The following SLIT2 variants were observed in gnomAD, a reference collection of about 807,000 sequenced individuals.
SLIT2 encodes slit guidance ligand 2.
SLIT2 carries 41 observed loss-of-function variants against 185.7 expected under a neutral mutation model. The ratio of observed to expected loss-of-function variants is 0.22; its 90% confidence interval spans 0.17 to 0.29. The LOEUF is 0.29. Among genes scored for constraint, SLIT2 ranks in the 10% least tolerant of loss-of-function variants. The pLI is 1.00. For missense variants in SLIT2, 1,571 were observed against 1,909.0 expected, an observed-to-expected ratio of 0.82 and a Z score of 3.30; for synonymous variants, 693 against 680.2, an observed-to-expected ratio of 1.02 and a Z score of -0.29.
chr4:20,601,703 G>A (rs539799617), intron 33 of SLIT2, among the ~76,000 whole-genome samples: 2 of 152,248 alleles, frequency 1.3e-5, no homozygotes, highest in East Asian at 3.9e-4. Flanking sequence ...TTTGATGAAA[G>A]ATAGTACTTC....
chr4:20,419,741 G>A (rs28437738), intron 4 of SLIT2, among the ~76,000 whole-genome samples: 32,111 of 150,612 alleles, frequency 0.21, 3,717 homozygotes, highest in Non-Finnish European at 0.27. Context: ...CTGTTATAGA[G>A]TAGAAGTTCA....
chr4:20,473,008 A>G (rs1021126792), intron 5 of SLIT2, among the ~76,000 whole-genome samples: 1 of 151,792 alleles, frequency 6.6e-6, no homozygotes, highest in African/African-American at 2.4e-5. Flanking sequence ...ACAAAATCTA[A>G]TTTACTTTAC....
chr4:20,443,857 G>A (rs1383378801), intron 4 of SLIT2, among the ~76,000 whole-genome samples: 1 of 152,140 alleles, frequency 6.6e-6, no homozygotes, highest in Non-Finnish European at 1.5e-5. Flanking sequence ...GGACCACTCA[G>A]CATGGCGTAA....
chr4:20,263,741 A>G (rs1712740313), intron 3 of SLIT2, among the ~76,000 whole-genome samples: 1 of 151,902 alleles, frequency 6.6e-6, no homozygotes, highest in Admixed American at 6.6e-5. Context: ...TAATCATTAT[A>G]TCTCATAGTG....
At chr4:20,567,138 G>C (rs906109699) in intron 26 of SLIT2, 124 bp from the exon 27 acceptor site, 7 of 868,256 alleles carry the variant, frequency 8.1e-6, no homozygotes, top group African/African-American at 6.8e-5. Context: ...ATGGATGAGA[G>C]ACACATATAG....
chr4:20,498,606 T>A (rs988451200), intron 9 of SLIT2, among the ~76,000 whole-genome samples: 1 of 152,216 alleles, frequency 6.6e-6, no homozygotes, highest in Non-Finnish European at 1.5e-5. Flanking sequence ...AGAAATTTCA[T>A]AAATCATGGA....
At chr4:20,261,186 T>A (rs1923839) in intron 3 of SLIT2, among the ~76,000 whole-genome samples, 102,103 of 151,636 alleles carry the variant, frequency 0.67, 34,485 homozygotes, top group East Asian at 0.81. Context: ...AAGCCTTCAG[T>A]ATGTGCCTTA....
chr4:20,488,873 C>A lies in SLIT2; in HGVS notation c.666C>A (p.Asp222Glu), dbSNP rs762131129. Residue 222 changes from aspartate to glutamate, a missense_variant, in exon 8 of 37, where the codon GAC becomes GAA. Physicochemically the swap from Asp to Glu is conservative, Grantham distance 45 (BLOSUM62 2). Around this residue, in one of 3 missense-constraint regions of SLIT2, gnomAD observed 1,202 missense variants for 1,416.4 expected, o/e 0.85. Coordinates refer to ENST00000504154, the MANE Select transcript of SLIT2 (RefSeq NM_004787.4). ...YCDCHLAWLS[D>E]WLRQRPRVGL... ...ACTGCCACCTGGCCTGGCTCTCCGACTGGCTTCGCCAAAGGCCTCGGGTTG... is the reference window on the plus strand; with the variant it reads ...ACTGCCACCTGGCCTGGCTCTCCGAATGGCTTCGCCAAAGGCCTCGGGTTG... 1.9e-6 allele frequency: 3 copies of A among 1,611,700 alleles called. No individual in the cohort carries two copies. Among genetic ancestry groups the A allele is most frequent in the East Asian group, 2.2e-5 (1 of 44,844 alleles).
At chr4:20,575,542 G>A (rs1726016315) in intron 29 of SLIT2, among the ~76,000 whole-genome samples, 2 of 152,152 alleles carry the variant, frequency 1.3e-5, no homozygotes, top group South Asian at 2.1e-4. Context: ...GCAAACCCAT[G>A]TCTCATTGGC....
intron 33 of SLIT2, 127 bp downstream of exon 33, chr4:20,598,522 A>G (rs1728157969): frequency 9.7e-7 from 1 of 1,036,128 alleles, no homozygotes; most frequent in Non-Finnish European, 1.4e-6. Flanking sequence ...GGATGAGGGT[A>G]TTAGTGAAAA....
At chr4:20,442,004 G>T (rs1252256946) in intron 4 of SLIT2, among the ~76,000 whole-genome samples, 1 of 152,046 alleles carries the variant, frequency 6.6e-6, no homozygotes, top group Non-Finnish European at 1.5e-5. Context: ...TTTAATCAAG[G>T]TATGAATAGA....
In SLIT2 at chr4:20,451,805, G is replaced by A. The variant is rs1463929583; in HGVS notation, c.396-15947G>A. Among the ~76,000 whole-genome samples, 4 of 152,142 alleles carry A rather than the reference G, an allele frequency of 2.6e-5. No individual in the cohort carries two copies. In the East Asian group the frequency reaches 7.7e-4, roughly 29 times the overall value. ...GCAAAACTGTGTCTAGGTTTATTCT[G>A]GCATCTAAATCGAGTTTCAAGCAAG... is the stretch of plus-strand genomic sequence containing the variant. On this transcript the variant is annotated intron_variant, in intron 4 of 36. Transcript: ENST00000504154.
intron 22 of SLIT2, among the ~76,000 whole-genome samples, chr4:20,546,555 G>A (rs1723267433): frequency 6.6e-6 from 1 of 152,004 alleles, no homozygotes; most frequent in Admixed American, 6.6e-5. Context: ...AATAAGTTAT[G>A]GGTTTCCAGT....
At chr4:20,598,489 T>A in intron 33 of SLIT2, 94 bp downstream of exon 33, 1 of 1,456,142 alleles carries the variant, frequency 6.9e-7, no homozygotes, top group Non-Finnish European at 9.5e-7. Context: ...GGAGAGAGAC[T>A]AAGTTGGCCC....
At chr4:20,517,535 T>C (rs1373425841) in intron 11 of SLIT2, among the ~76,000 whole-genome samples, 1 of 151,774 alleles carries the variant, frequency 6.6e-6, no homozygotes, top group Non-Finnish European at 1.5e-5. Context: ...TAGAATCCTC[T>C]CTTTTGTTCT....
intron 4 of SLIT2, among the ~76,000 whole-genome samples, chr4:20,354,898 TGTGTGTGTGAGAGAGAGAGAGA>T (rs1168026005): frequency 1.6e-4 from 20 of 124,186 alleles, no homozygotes; most frequent in Non-Finnish European, 3.1e-4. Context: ...TGTGTGTGTG[TGTGTGTGTGAGAGAGAGAGAGA>T]GAGAGAGAGA....
chr4:20,472,421 T>TCTATATATATATATCTATATATATAGAG (rs1715388777), intron 5 of SLIT2, among the ~76,000 whole-genome samples: 2 of 87,644 alleles, frequency 2.3e-5, no homozygotes, highest in Non-Finnish European at 2.1e-5. Flanking sequence ...TATATCTATA[T>TCTATATATATATATCTATATATATAGAG]ATATAGATAT....
intron 4 of SLIT2, among the ~76,000 whole-genome samples, chr4:20,409,042 C>A (rs961801953): frequency 6.6e-6 from 1 of 151,750 alleles, no homozygotes; most frequent in African/African-American, 2.4e-5. Flanking sequence ...CTGCAGCTCA[C>A]GAAAGCTGCC....
At chr4:20,369,129 C>T (rs1485103170) in intron 4 of SLIT2, among the ~76,000 whole-genome samples, 2 of 152,062 alleles carry the variant, frequency 1.3e-5, no homozygotes, top group Non-Finnish European at 2.9e-5. Flanking sequence ...ATTCCTTTCT[C>T]TTTCTTTCCC....
Sources: allele counts gnomAD v4.1 joint callset (sites outside exome capture counted in the v4.1 genomes callset), GRCh38; gene constraint gnomAD v4.1.1; regional missense constraint gnomAD v4.1.1; transcripts MANE v1.5; gene names NCBI Gene and HGNC (gene_info 2026-07-23, HGNC 2026-07-21).